The following CACHD1 variants were observed in gnomAD, a reference collection of about 807,000 sequenced individuals.
CACHD1 encodes the protein cache domain containing 1.
CACHD1 carries 71 observed loss-of-function variants against 138.7 expected under a neutral mutation model. That is an observed-to-expected ratio of 0.51 (90% confidence interval 0.42 to 0.62). The LOEUF (loss-of-function observed/expected upper bound fraction) is 0.62. Among genes scored for constraint, CACHD1 ranks in the 20% least tolerant of loss-of-function variants. The probability of loss-of-function intolerance (pLI) is 0.00; values close to 1 mark genes in which losing one functional copy is unlikely to be tolerated. For synonymous variants in CACHD1, 578 were observed against 591.5 expected, an observed-to-expected ratio of 0.98 and a Z score of 0.33; for missense variants, 1,389 against 1,625.3, an observed-to-expected ratio of 0.85 and a Z score of 2.50.
At chr1:64,505,735 G>GCGCCC (rs1191053851) in intron 1 of CACHD1, among the ~76,000 whole-genome samples, 22 of 68,318 alleles carry the variant, frequency 3.2e-4, no homozygotes, top group African/African-American at 1.3e-3. Context: ...CCTCTTGGCT[G>GCGCCC]CGCCCCGCCC....
intron 1 of CACHD1, among the ~76,000 whole-genome samples, chr1:64,481,570 G>A (rs1441752362): frequency 6.6e-6 from 1 of 152,172 alleles, no homozygotes; most frequent in Non-Finnish European, 1.5e-5. Flanking sequence ...AGGTGGATTG[G>A]TAGATAATTA....
chr1:64,605,398 CT>C (rs2100584616), intron 4 of CACHD1, among the ~76,000 whole-genome samples: 1 of 152,182 alleles, frequency 6.6e-6, no homozygotes, highest in East Asian at 1.9e-4. Context: ...GATATTTTTA[CT>C]TCCTTATTAA....
chr1:64,645,475 A>G (rs1295953709), intron 8 of CACHD1, among the ~76,000 whole-genome samples: 2 of 152,182 alleles, frequency 1.3e-5, no homozygotes, highest in African/African-American at 2.4e-5. Flanking sequence ...ATGTACCCAT[A>G]AAAATTAAAT....
At chr1:64,549,821 G>A (rs1222733019) in intron 1 of CACHD1, among the ~76,000 whole-genome samples, 1 of 148,394 alleles carries the variant, frequency 6.7e-6, no homozygotes, top group African/African-American at 2.5e-5. Flanking sequence ...TGCTCCTCTA[G>A]CAGATACATA....
chr1:64,627,473 A>G (rs180693587), intron 4 of CACHD1, among the ~76,000 whole-genome samples: 150 of 152,230 alleles, frequency 9.9e-4, no homozygotes, highest in Admixed American at 2.7e-3. Flanking sequence ...AACCTTCAGA[A>G]CAGGACAGTC....
chr1:64,503,535 G>T (rs1222808865), intron 1 of CACHD1, among the ~76,000 whole-genome samples: 1 of 152,168 alleles, frequency 6.6e-6, no homozygotes, highest in Non-Finnish European at 1.5e-5. Context: ...GAGAGTACTT[G>T]CTAGACTACT....
intron 1 of CACHD1, among the ~76,000 whole-genome samples, chr1:64,486,350 G>GCACACA (rs549032174): frequency 8.1e-6 from 1 of 123,374 alleles, no homozygotes; most frequent in Non-Finnish European, 1.7e-5. Context: ...GAGAGCGCGC[G>GCACACA]CACACACACA....
intron 1 of CACHD1, chr1:64,505,942 C>T (rs1033296072): frequency 6.7e-6 from 1 of 148,564 alleles, no homozygotes; most frequent in Non-Finnish European, 1.5e-5. Flanking sequence ...CCTTTGTCTT[C>T]CACGCCTGCC....
chr1:64,654,899 G>C, intron 12 of CACHD1, 96 bp downstream of exon 12: 2 of 846,516 alleles, frequency 2.4e-6, no homozygotes, highest in Non-Finnish European at 2.0e-6. Context: ...ACTTGGGTCT[G>C]ATAATTTGTC....
At chr1:64,475,305 A>ACACACACATACCAT (rs1333307438) in intron 1 of CACHD1, among the ~76,000 whole-genome samples, 1 of 151,110 alleles carries the variant, frequency 6.6e-6, no homozygotes, top group Non-Finnish European at 1.5e-5. Flanking sequence ...AGCTGAGACT[A>ACACACACATACCAT]CACACACATA....
intron 4 of CACHD1, among the ~76,000 whole-genome samples, chr1:64,622,510 G>T (rs1647950985): frequency 6.6e-6 from 1 of 152,136 alleles, no homozygotes; most frequent in Admixed American, 6.5e-5. Flanking sequence ...TACATTGTAT[G>T]TACAAACTAA....
In CACHD1 at chr1:64,658,783, A is replaced by T; in HGVS notation, c.1861A>T (p.Thr621Ser). ...TGTGAAACAACTGAAGAACCTCAAC[A>T]CTGTTCCCAGCAGCAAGCTGCTGTA... ...IPVKQLKNLNTVPSSKLLYHR... is the reference protein window; with the variant it reads ...IPVKQLKNLNSVPSSKLLYHR... The change falls in exon 13 of 27, where the codon ACT becomes TCT. Residue 621 changes from threonine to serine, a missense_variant. Physicochemically the swap from Thr to Ser is moderately conservative, Grantham distance 58 (BLOSUM62 1). Coordinates refer to ENST00000651257, the MANE Select transcript of CACHD1 (RefSeq NM_020925.4). The T allele has an allele frequency of 6.2e-7, 1 of 1,608,272 alleles. No individual in the cohort carries two copies. Among genetic ancestry groups the T allele is most frequent in the Non-Finnish European group, 8.5e-7 (1 of 1,176,630 alleles).
chr1:64,614,258 C>A (rs978062613), intron 4 of CACHD1, among the ~76,000 whole-genome samples: 1 of 151,896 alleles, frequency 6.6e-6, no homozygotes, highest in Non-Finnish European at 1.5e-5. Flanking sequence ...GCTTTTCTTG[C>A]CTGGTCTAGA....
chr1:64,631,925 T>C (rs188203415), intron 5 of CACHD1, among the ~76,000 whole-genome samples: 1 of 152,234 alleles, frequency 6.6e-6, no homozygotes, highest in East Asian at 1.9e-4. Flanking sequence ...AAGGGGCCTC[T>C]TAGCAGGAGC....
intron 3 of CACHD1, 97 bp from the exon 4 acceptor site, chr1:64,602,709 C>T (rs559035954): frequency 8.4e-5 from 65 of 774,724 alleles, no homozygotes; most frequent in African/African-American, 1.2e-4. Flanking sequence ...GTACTGTTTA[C>T]GGGCTGACCT....
rs142706303 is a variant in CACHD1, at chr1:64,688,579, C to T, written c.3587-2744C>T. ...CACTGCGACTGCCCTACTTTATGTC[C>T]TTGCCATCTCCTCGAGGCCCATGCT... On this transcript the variant is annotated intron_variant, in intron 26 of 26. Transcript: ENST00000651257. Among the ~76,000 whole-genome samples, 74 of 152,242 alleles carry T rather than the reference C, an allele frequency of 4.9e-4. 1 individual carries two copies. The highest frequency in any genetic ancestry group is 1.8e-4 in the Non-Finnish European group (12 of 68,014).
chr1:64,616,081 G>A (rs1349536253), intron 4 of CACHD1, among the ~76,000 whole-genome samples: 2 of 152,162 alleles, frequency 1.3e-5, no homozygotes, highest in African/African-American at 4.8e-5. Context: ...ATGAAGAGAT[G>A]TATTTCCATC....
chr1:64,513,516 G>T, intron 1 of CACHD1, among the ~76,000 whole-genome samples: 1 of 152,220 alleles, frequency 6.6e-6, no homozygotes, highest in Non-Finnish European at 1.5e-5. Flanking sequence ...TTGCTTCCCA[G>T]CAGCTATGGT....
chr1:64,538,814 CAGTT>C (rs1646654708), intron 1 of CACHD1, among the ~76,000 whole-genome samples: 1 of 152,216 alleles, frequency 6.6e-6, no homozygotes, highest in Non-Finnish European at 1.5e-5. Flanking sequence ...AACAGCCTCA[CAGTT>C]AGTAGCATAT....
Sources: allele counts gnomAD v4.1 joint callset (sites outside exome capture counted in the v4.1 genomes callset), GRCh38; gene constraint gnomAD v4.1.1; transcripts MANE v1.5; gene names NCBI Gene and HGNC (gene_info 2026-07-23, HGNC 2026-07-21).